PCDHA12: variants seen among roughly 807,000 people sequenced by gnomAD.
PCDHA12 encodes protocadherin alpha-12.
Under a neutral mutation model 60.0 loss-of-function variants are expected in PCDHA12, and 44 were observed. The ratio of observed to expected loss-of-function variants is 0.73; its 90% CI spans 0.58 to 0.94. The LOEUF is 0.94. Among genes scored for constraint, PCDHA12 ranks in the 40% least tolerant of loss-of-function variants. The probability of loss-of-function intolerance (pLI) is 0.00; values close to 1 mark genes in which losing one functional copy is unlikely to be tolerated. For synonymous variants in PCDHA12, 569 were observed against 553.0 expected, an observed-to-expected ratio of 1.03 and a Z score of -0.40; for missense variants, 1,276 against 1,239.7, an observed-to-expected ratio of 1.03 and a Z score of -0.44.
chr5:140,942,901 A>T (rs1361297196), intron 1 of PCDHA12, among the ~76,000 whole-genome samples: 1 of 152,094 alleles, frequency 6.6e-6, no homozygotes, highest in East Asian at 1.9e-4. Context: ...TATCTCTAAG[A>T]ATAAGCGTGA....
chr5:141,007,755 CTT>C (rs2098344346), intron 3 of PCDHA12, among the ~76,000 whole-genome samples: 1 of 152,170 alleles, frequency 6.6e-6, no homozygotes, highest in Non-Finnish European at 1.5e-5. Context: ...ACTTTGGACT[CTT>C]ATTGGCCTGG....
intron 1 of PCDHA12, among the ~76,000 whole-genome samples, chr5:140,945,934 T>C (rs1161156525): frequency 2.0e-5 from 3 of 152,092 alleles, no homozygotes; most frequent in African/African-American, 4.8e-5. Context: ...TGAGCAATGA[T>C]GTTTTTTATA....
rs1263474406 is a variant in PCDHA12, at chr5:140,967,341, A to G, written c.2368-11608A>G. ...ACCTACGAGCTCAGCCCCAGCGAGCACTTCGAGCTGGACCTTAAGCCCCTG... is the reference window on the plus strand; with the variant it reads ...ACCTACGAGCTCAGCCCCAGCGAGCGCTTCGAGCTGGACCTTAAGCCCCTG... On this transcript the variant is annotated intron_variant, in intron 1 of 3. Coordinates refer to ENST00000398631, the MANE Select transcript of PCDHA12 (RefSeq NM_018903.4). 3 of 1,607,922 alleles carry G rather than the reference A, an allele frequency of 1.9e-6. No homozygotes were observed. The highest frequency in any genetic ancestry group is 1.3e-5 in the African/African-American group (1 of 74,782).
intron 1 of PCDHA12, among the ~76,000 whole-genome samples, chr5:140,936,745 T>C (rs2091123001): frequency 6.6e-6 from 1 of 152,234 alleles, no homozygotes; most frequent in Non-Finnish European, 1.5e-5. Context: ...ACTTTTCATT[T>C]GTATTGATAT....
chr5:140,882,453 G>A, intron 1 of PCDHA12: 3 of 1,614,042 alleles, frequency 1.9e-6, no homozygotes, highest in Non-Finnish European at 2.5e-6. Flanking sequence ...CTGGTGCCGC[G>A]CCTGTTCCGG....
intron 3 of PCDHA12, among the ~76,000 whole-genome samples, chr5:140,997,511 G>T (rs565737825): frequency 6.6e-6 from 1 of 151,992 alleles, no homozygotes; most frequent in Non-Finnish European, 1.5e-5. Flanking sequence ...ATACCTAAAC[G>T]CAGAAAAAGT....
intron 1 of PCDHA12, among the ~76,000 whole-genome samples, chr5:140,903,637 A>G (rs1290449623): frequency 1.3e-5 from 2 of 152,240 alleles, no homozygotes; most frequent in Non-Finnish European, 1.5e-5. Flanking sequence ...GTATGCATAT[A>G]CCATATACAT....
Position 140,982,498 on chromosome 5 carries a change from G to A in PCDHA12, c.2450G>A (p.Gly817Asp), listed in dbSNP as rs782347331. The change falls in exon 3 of 4, where the codon GGC becomes GAC. Residue 817 changes from glycine to aspartate, a missense_variant. By Grantham distance (94) the Gly-to-Asp change is moderately conservative. Transcript: ENST00000398631. ...AGCTCTGTGCACCTAGAGGAGGCTG[G>A]CATTCTACGGGCTGGTCCAGGAGGG... Reference protein sequence around the residue: ...MHSSVHLEEAGILRAGPGGPD... With the variant: ...MHSSVHLEEADILRAGPGGPD... 6 of 1,614,062 alleles carry A rather than the reference G, an allele frequency of 3.7e-6. No homozygotes were observed. The Admixed American group carries it at 5.0e-5, about 13-fold the overall frequency.
intron 1 of PCDHA12, among the ~76,000 whole-genome samples, chr5:140,902,520 T>C (rs1350068201): frequency 6.6e-6 from 1 of 152,116 alleles, no homozygotes; most frequent in Non-Finnish European, 1.5e-5. Context: ...TATATGGTTT[T>C]TATTATGTTG....
intron 1 of PCDHA12, chr5:140,882,358 G>T (rs1554173779): frequency 3.7e-6 from 6 of 1,614,232 alleles, no homozygotes; most frequent in Middle Eastern, 1.7e-4. Flanking sequence ...GTAGTGGCCA[G>T]CTCCACTACT....
chr5:140,982,427 G>C, intron 2 of PCDHA12, 48 bp from the exon 3 acceptor site: 1 of 1,612,412 alleles, frequency 6.2e-7, no homozygotes, highest in Non-Finnish European at 8.5e-7. Context: ...GAAGAGATGG[G>C]AAAGAATTTA....
At chr5:140,993,793 T>C (rs2097582526) in intron 3 of PCDHA12, among the ~76,000 whole-genome samples, 1 of 152,184 alleles carries the variant, frequency 6.6e-6, no homozygotes, top group African/African-American at 2.4e-5. Context: ...TAACATGCTG[T>C]GCAGGTTTGT....
chr5:140,903,146 C>A (rs2070035349), intron 1 of PCDHA12, among the ~76,000 whole-genome samples: 1 of 152,178 alleles, frequency 6.6e-6, no homozygotes, highest in South Asian at 2.1e-4. Flanking sequence ...AAACTGTTTT[C>A]CATAGTGGTT....
At chr5:141,006,678 T>C (rs1554260866) in intron 3 of PCDHA12, among the ~76,000 whole-genome samples, 1 of 151,754 alleles carries the variant, frequency 6.6e-6, no homozygotes, top group Non-Finnish European at 1.5e-5. Flanking sequence ...GCAGTGAAAA[T>C]TGGGAGAAGA....
intron 1 of PCDHA12, chr5:140,968,382 A>G: frequency 6.2e-7 from 1 of 1,614,050 alleles, no homozygotes; most frequent in Non-Finnish European, 8.5e-7. Flanking sequence ...TCCTTTGACT[A>G]TGAGAAGTTT....
chr5:140,881,538 C>A (rs879991805), intron 1 of PCDHA12, among the ~76,000 whole-genome samples: 1 of 152,196 alleles, frequency 6.6e-6, no homozygotes, highest in Middle Eastern at 3.2e-3. Flanking sequence ...TGACTGAACA[C>A]TTTCTTTTGA....
chr5:140,968,114 A>G, intron 1 of PCDHA12: 1 of 1,614,164 alleles, frequency 6.2e-7, no homozygotes, highest in Non-Finnish European at 8.5e-7. Context: ...ACCGCAGCTC[A>G]CATCCCTGCG....
intron 1 of PCDHA12, among the ~76,000 whole-genome samples, chr5:140,903,368 A>G (rs1554190936): frequency 6.6e-6 from 1 of 152,234 alleles, no homozygotes; most frequent in Non-Finnish European, 1.5e-5. Flanking sequence ...TCAAAAATAT[A>G]GGGAGGATTG....
chr5:140,927,027 G>A (rs1554203924), intron 1 of PCDHA12: 3 of 1,612,328 alleles, frequency 1.9e-6, no homozygotes, highest in Non-Finnish European at 1.7e-6. Context: ...ACTTGAGGCT[G>A]CCAGCGGCCG....
Sources: allele counts gnomAD v4.1 joint callset (sites outside exome capture counted in the v4.1 genomes callset), GRCh38; gene constraint gnomAD v4.1.1; transcripts MANE v1.5; gene names NCBI Gene and HGNC (gene_info 2026-07-23, HGNC 2026-07-21).